Variants in CTNNA2 observed in about 807,000 individuals in gnomAD.
The protein encoded by CTNNA2 is catenin alpha-2.
Under a neutral mutation model 101.0 loss-of-function variants are expected in CTNNA2, and 42 were observed. The observed-to-expected ratio is 0.42, with a 90% CI of 0.32 to 0.54. The LOEUF is 0.54. Among genes scored for constraint, CTNNA2 ranks in the 20% least tolerant of loss-of-function variants. CTNNA2 has a pLI of 0.14. For synonymous variants in CTNNA2, 450 were observed against 456.4 expected (o/e 0.99, Z 0.18); for missense variants, 871 against 1,223.1 (o/e 0.71, Z 4.29).
intron 9 of CTNNA2, among the ~76,000 whole-genome samples, chr2:80,471,009 A>G (rs1685260423): frequency 1.3e-5 from 2 of 152,118 alleles, no homozygotes; most frequent in Admixed American, 1.3e-4. Context: ...TGGAAAGGCT[A>G]TGAGGTGGGA....
At chr2:79,957,037 C>T (rs1473035575) in intron 7 of CTNNA2, among the ~76,000 whole-genome samples, 2 of 151,886 alleles carry the variant, frequency 1.3e-5, no homozygotes, top group Non-Finnish European at 2.9e-5. Flanking sequence ...TTTTCAACAT[C>T]CCCAGATCCT....
At chr2:80,297,440 C>G (rs1288057169) in intron 7 of CTNNA2, among the ~76,000 whole-genome samples, 1 of 152,158 alleles carries the variant, frequency 6.6e-6, no homozygotes, top group Non-Finnish European at 1.5e-5. Flanking sequence ...GATAAAGGCA[C>G]CATACCAGCG....
At chr2:79,431,444 C>A (rs1417199526) in intron 4 of CTNNA2, among the ~76,000 whole-genome samples, 2 of 152,046 alleles carry the variant, frequency 1.3e-5, no homozygotes, top group African/African-American at 2.4e-5. Flanking sequence ...GTCCTGAAAT[C>A]TAGACTAAAA....
At chr2:79,483,152 A>T (rs576508431) in intron 4 of CTNNA2, among the ~76,000 whole-genome samples, 1 of 152,338 alleles carries the variant, frequency 6.6e-6, no homozygotes. Context: ...TCCAGCCACC[A>T]CTTGGAACAT....
intron 2 of CTNNA2, among the ~76,000 whole-genome samples, chr2:79,227,414 C>G (rs1210023982): frequency 1.3e-5 from 2 of 152,148 alleles, no homozygotes; most frequent in African/African-American, 4.8e-5. Flanking sequence ...ATATTCATTT[C>G]TATTCTAACT....
intron 7 of CTNNA2, among the ~76,000 whole-genome samples, chr2:80,309,547 G>T (rs1412535509): frequency 6.6e-6 from 1 of 152,006 alleles, no homozygotes; most frequent in African/African-American, 2.4e-5. Flanking sequence ...CTTTTTAATC[G>T]GTATAACCCT....
intron 1 of CTNNA2, among the ~76,000 whole-genome samples, chr2:79,593,951 C>A (rs563481382): frequency 7.9e-6 from 1 of 125,988 alleles, no homozygotes; most frequent in Non-Finnish European, 1.6e-5. Flanking sequence ...GCAAGTGGTG[C>A]GATCTCAGCT....
intron 2 of CTNNA2, among the ~76,000 whole-genome samples, chr2:79,688,305 C>G (rs1045465981): frequency 1.1e-4 from 17 of 151,726 alleles, no homozygotes; most frequent in African/African-American, 4.1e-4. Context: ...AGAATTACAT[C>G]TATAAAAGCT....
intron 2 of CTNNA2, among the ~76,000 whole-genome samples, chr2:79,672,342 G>A (rs1016822316): frequency 2.0e-5 from 3 of 152,192 alleles, no homozygotes; most frequent in East Asian, 3.9e-4. Flanking sequence ...CACTCTGATC[G>A]TTAACAATAA....
chr2:79,993,720 G>C (rs17339786), intron 7 of CTNNA2, among the ~76,000 whole-genome samples: 1 of 151,750 alleles, frequency 6.6e-6, no homozygotes, highest in Admixed American at 6.6e-5. Context: ...GAGGGTCTGA[G>C]AGTAGAAATG....
At chr2:80,021,887 T>G (rs1278540256) in intron 7 of CTNNA2, among the ~76,000 whole-genome samples, 1 of 144,916 alleles carries the variant, frequency 6.9e-6, no homozygotes, top group East Asian at 2.0e-4. Context: ...GTGCCATATA[T>G]CCACAAAAAT....
chr2:79,567,666 G>A (rs1406723746), intron 1 of CTNNA2, among the ~76,000 whole-genome samples: 1 of 152,014 alleles, frequency 6.6e-6, no homozygotes, highest in Non-Finnish European at 1.5e-5. Flanking sequence ...AGTAGAAGCA[G>A]CAATGTTAGA....
At chr2:79,702,673 C>G (rs921989921) in intron 2 of CTNNA2, among the ~76,000 whole-genome samples, 6 of 152,098 alleles carry the variant, frequency 3.9e-5, no homozygotes, top group African/African-American at 1.4e-4. Context: ...TCCTGGGAAC[C>G]GCTTTTACCT....
rs368230120 is a variant in CTNNA2 at position 80,397,509 on chromosome 2, C to T, written c.1137+4218C>T. ...ATGAATCATGGGGGCAGGTCTTTCC[C>T]GTGCCATTCTTGTGATAGTGAATAA... On this transcript the variant is annotated intron_variant, in intron 8 of 18. Coordinates refer to ENST00000402739, the MANE Select transcript of CTNNA2 (RefSeq NM_001282597.3). 1.1e-4 allele frequency among the ~76,000 whole-genome samples: 16 copies of T among 152,180 alleles called. No individual in the cohort carries two copies. In the East Asian group the frequency reaches 1.4e-3, roughly 13 times the overall value.
At chr2:79,204,392 C>T (rs1257358076) in intron 2 of CTNNA2, among the ~76,000 whole-genome samples, 3 of 152,130 alleles carry the variant, frequency 2.0e-5, no homozygotes, top group African/African-American at 7.2e-5. Flanking sequence ...GTTCCCAGTG[C>T]TTAATTTTTT....
intron 7 of CTNNA2, among the ~76,000 whole-genome samples, chr2:79,975,929 C>A (rs1008853210): frequency 9.2e-5 from 14 of 152,162 alleles, no homozygotes; most frequent in Admixed American, 2.0e-4. Context: ...GTTAGTGAGG[C>A]GCCCAACCTT....
chr2:79,342,616 A>G (rs1677162440), intron 3 of CTNNA2, among the ~76,000 whole-genome samples: 1 of 152,014 alleles, frequency 6.6e-6, no homozygotes, highest in Non-Finnish European at 1.5e-5. Flanking sequence ...CAATTAGTTT[A>G]TCTTGAAGAT....
chr2:80,063,726 T>G (rs982069408), intron 7 of CTNNA2, among the ~76,000 whole-genome samples: 2 of 152,266 alleles, frequency 1.3e-5, no homozygotes, highest in Admixed American at 1.3e-4. Flanking sequence ...TTGATAAACC[T>G]GAACATTCAT....
At chr2:79,732,196 G>A (rs1014269738) in intron 2 of CTNNA2, among the ~76,000 whole-genome samples, 1 of 152,010 alleles carries the variant, frequency 6.6e-6, no homozygotes, top group African/African-American at 2.4e-5. Flanking sequence ...AAAAACTTCA[G>A]ATTTGTGATG....
Sources: gnomAD v4.1 joint callset for allele counts (sites outside exome capture counted in the v4.1 genomes callset) on GRCh38, gnomAD v4.1.1 for gene constraint, MANE v1.5 for transcripts, NCBI Gene and HGNC (gene_info 2026-07-23, HGNC 2026-07-21) for gene names.